Variants in PLEKHH1 observed in about 807,000 individuals in gnomAD.
PLEKHH1 encodes the protein pleckstrin homology, MyTH4 and FERM domain containing H1.
Under a neutral mutation model 160.0 loss-of-function variants are expected in PLEKHH1, and 104 were observed. The observed-to-expected ratio is 0.65, with a 90% CI of 0.55 to 0.76. The LOEUF (loss-of-function observed/expected upper bound fraction) is 0.76. PLEKHH1 is among the 30% of genes least tolerant of loss of function. PLEKHH1 has a pLI of 0.00. For missense variants in PLEKHH1, 1,427 were observed against 1,724.1 expected (o/e 0.83, Z 3.05); for synonymous variants, 619 against 678.4 (o/e 0.91, Z 1.36).
At chr14:67,541,750 T>C (rs1368008102) in intron 1 of PLEKHH1, 84 bp from the exon 2 acceptor site, 3 of 914,900 alleles carry the variant, frequency 3.3e-6, no homozygotes, top group Non-Finnish European at 4.7e-6. Flanking sequence ...TTCTCTGTCC[T>C]TTGGTCCCCT....
intron 28 of PLEKHH1, chr14:67,586,773 G>C (rs1429331375): frequency 7.4e-7 from 1 of 1,348,484 alleles, no homozygotes; most frequent in South Asian, 1.3e-5. Context: ...AGGATCTCCA[G>C]ATCCCTTTCT....
At chr14:67,567,667 C>G (rs1400965783) in intron 7 of PLEKHH1, among the ~76,000 whole-genome samples, 1 of 152,092 alleles carries the variant, frequency 6.6e-6, no homozygotes, top group East Asian at 1.9e-4. Flanking sequence ...CAGCTCTGCC[C>G]TCTCTCCTCC....
At chr14:67,550,906 A>G (rs1367318985) in intron 2 of PLEKHH1, among the ~76,000 whole-genome samples, 8 of 152,224 alleles carry the variant, frequency 5.3e-5, no homozygotes, top group Non-Finnish European at 1.2e-4. Context: ...GATCCACACA[A>G]TAGAGATACT....
chr14:67,550,522 A>G (rs2034355630), intron 2 of PLEKHH1, among the ~76,000 whole-genome samples: 1 of 152,252 alleles, frequency 6.6e-6, no homozygotes, highest in Admixed American at 6.5e-5. Flanking sequence ...GAGTTAGAAC[A>G]ATTTAATGGC....
At chr14:67,575,785 C>G in intron 15 of PLEKHH1, 38 bp from the exon 16 acceptor site, 4 of 1,541,758 alleles carry the variant, frequency 2.6e-6, no homozygotes, top group Non-Finnish European at 3.6e-6. Context: ...CCTCATCCCC[C>G]ACTGGCTCTC....
intron 2 of PLEKHH1, among the ~76,000 whole-genome samples, chr14:67,549,942 A>G (rs2034329236): frequency 6.6e-6 from 1 of 152,218 alleles, no homozygotes; most frequent in Non-Finnish European, 1.5e-5. Flanking sequence ...TCTCTCCTGC[A>G]ACTAACCTCT....
chr14:67,559,601 C>G lies in PLEKHH1; in HGVS notation c.340-7C>G. ...GGGATTAACGGAAGGCCCTCTCTTT[C>G]TTGCAGAAGCAGATGAGGGCAGAGG... On this transcript the variant is annotated splice_polypyrimidine_tract_variant and splice_region_variant and intron_variant, in intron 4 of 28. Coordinates refer to ENST00000329153, the MANE Select transcript of PLEKHH1 (RefSeq NM_020715.3). The G allele has an allele frequency of 6.3e-7, 1 of 1,578,984 alleles. No homozygotes were observed. Among genetic ancestry groups the G allele is most frequent in the Non-Finnish European group, 8.6e-7 (1 of 1,160,074 alleles).
chr14:67,561,914 A>T, intron 5 of PLEKHH1, 40 bp from the exon 6 acceptor site: 12 of 1,257,526 alleles, frequency 9.5e-6, no homozygotes, highest in Non-Finnish European at 1.4e-5. Context: ...CTAAACCTGT[A>T]GGCTGGGTGT....
chr14:67,560,056 T>G (rs1057181138), intron 5 of PLEKHH1, among the ~76,000 whole-genome samples: 4 of 152,236 alleles, frequency 2.6e-5, no homozygotes, highest in African/African-American at 9.6e-5. Context: ...AGACAGAGTC[T>G]CGCTCTCTCG....
intron 15 of PLEKHH1, 68 bp from the exon 16 acceptor site, chr14:67,575,755 T>C: frequency 1.7e-6 from 2 of 1,162,994 alleles, no homozygotes; most frequent in Non-Finnish European, 2.5e-6. Flanking sequence ...GGAGCCTATG[T>C]ATTCAGAGAG....
At chr14:67,586,830 TG>T in intron 28 of PLEKHH1, 1 of 1,478,394 alleles carries the variant, frequency 6.8e-7, no homozygotes, top group Non-Finnish European at 9.0e-7. Context: ...AGCAGAACAC[TG>T]GGCCTCCTTT....
At chr14:67,572,769 G>A (rs948783378) in intron 11 of PLEKHH1, among the ~76,000 whole-genome samples, 2 of 152,062 alleles carry the variant, frequency 1.3e-5, no homozygotes, top group East Asian at 1.9e-4. Flanking sequence ...ATGTAATTCC[G>A]CATCCCTCGC....
At chr14:67,553,286 G>C (rs192911562) in intron 2 of PLEKHH1, among the ~76,000 whole-genome samples, 22 of 152,094 alleles carry the variant, frequency 1.4e-4, no homozygotes, top group Non-Finnish European at 3.2e-4. Flanking sequence ...CTTATTGAGG[G>C]ACCAGGGCCT....
At chr14:67,544,804 C>T (rs542127944) in intron 2 of PLEKHH1, among the ~76,000 whole-genome samples, 16 of 152,156 alleles carry the variant, frequency 1.1e-4, no homozygotes, top group Non-Finnish European at 2.4e-4. Flanking sequence ...GGAAGACAGA[C>T]CTAAGGAAAT....
intron 2 of PLEKHH1, among the ~76,000 whole-genome samples, chr14:67,543,992 G>A (rs181985159): frequency 2.0e-5 from 3 of 152,172 alleles, no homozygotes; most frequent in African/African-American, 4.8e-5. Context: ...AAGGTTTGAA[G>A]TTAGAGTTTT....
At chr14:67,542,043 G>T in intron 2 of PLEKHH1, 50 bp downstream of exon 2, 3 of 1,504,914 alleles carry the variant, frequency 2.0e-6, no homozygotes, top group Non-Finnish European at 1.8e-6. Context: ...GAGGTTTATG[G>T]CAGGGAGGGC....
At chr14:67,537,480 C>A (rs2033785745) in intron 1 of PLEKHH1, among the ~76,000 whole-genome samples, 1 of 148,900 alleles carries the variant, frequency 6.7e-6, no homozygotes, top group Non-Finnish European at 1.5e-5. Context: ...GCCTGGGCAC[C>A]ATGGTGAAAC....
intron 24 of PLEKHH1, among the ~76,000 whole-genome samples, chr14:67,583,376 A>G (rs946651991): frequency 3.9e-5 from 6 of 152,008 alleles, no homozygotes; most frequent in African/African-American, 1.4e-4. Context: ...CATTTGGAAC[A>G]CTCTGCTGTA....
intron 11 of PLEKHH1, among the ~76,000 whole-genome samples, chr14:67,572,962 AG>A (rs2035457858): frequency 6.6e-6 from 1 of 152,144 alleles, no homozygotes; most frequent in Non-Finnish European, 1.5e-5. Flanking sequence ...AGGCCAGCTC[AG>A]GGCCGGCTCT....
Sources: allele counts gnomAD v4.1 joint callset (sites outside exome capture counted in the v4.1 genomes callset), GRCh38; gene constraint gnomAD v4.1.1; transcripts MANE v1.5; gene names NCBI Gene and HGNC (gene_info 2026-07-23, HGNC 2026-07-21).